DMKN: variants seen among roughly 807,000 people sequenced by gnomAD.
The protein encoded by DMKN is epidermis-specific secreted protein SK30/SK89.
DMKN carries 58 observed loss-of-function variants against 67.6 expected under a neutral mutation model. The ratio of observed to expected loss-of-function variants is 0.86; its 90% CI spans 0.69 to 1.07. The LOEUF is 1.07. Ranked by LOEUF, DMKN falls within the 50% of genes least tolerant of loss-of-function variation. The pLI is 0.00. For missense variants in DMKN, 596 were observed against 601.5 expected, an observed-to-expected ratio of 0.99 and a Z score of 0.10; for synonymous variants, 240 against 232.3, an observed-to-expected ratio of 1.03 and a Z score of -0.30.
intron 7 of DMKN, chr19:35,506,986 A>G (rs1286506192): frequency 5.8e-6 from 1 of 172,668 alleles, no homozygotes; most frequent in Non-Finnish European, 1.2e-5. Flanking sequence ...TTCTTTTTAA[A>G]AAGTAGAGAC....
Position 35,511,456 on chromosome 19 carries a change from G to T in DMKN, c.873C>A (p.Gly291=). The change falls in exon 5 of 16, where the codon GGC becomes GGA. Residue 291 remains glycine, a synonymous_variant. Coordinates refer to ENST00000339686, the MANE Select transcript of DMKN (RefSeq NM_033317.5). ...TGTCACCTCTGCTGCCACCACTGTT[G>T]CCACTGCTGCCACCACTGCTGCCGC... ...SSGGSSGGSS[G]NSGGSRGDSG... The T allele has an allele frequency of 6.4e-7, 1 of 1,554,774 alleles. No homozygotes were observed.
At chr19:35,510,025 A>C (rs1179990408) in intron 6 of DMKN, 64 bp from the exon 7 acceptor site, 1 of 1,605,592 alleles carries the variant, frequency 6.2e-7, no homozygotes, top group Non-Finnish European at 8.5e-7. Context: ...CAGCCCCAAA[A>C]TGGCAGCATT....
intron 9 of DMKN, 37 bp from the exon 10 acceptor site, chr19:35,502,923 C>T: frequency 6.3e-7 from 1 of 1,595,896 alleles, no homozygotes; most frequent in South Asian, 1.1e-5. Context: ...TAGCAGAGAG[C>T]CTGGGCCCAC....
chr19:35,507,933 G>T, intron 7 of DMKN: 1 of 475,066 alleles, frequency 2.1e-6, no homozygotes, highest in Non-Finnish European at 3.7e-6. Context: ...AGTAAAAAAA[G>T]GAGATGCTAG....
Position 35,500,159 on chromosome 19 carries a change from C to T in DMKN, c.1288-130G>A, listed in dbSNP as rs184326095. ...CCTGCCTGCTCCCCTCCTTGTGTCACGTGTTTTCTTTTATACAATCTCCTC... is the reference window on the plus strand; with the variant it reads ...CCTGCCTGCTCCCCTCCTTGTGTCATGTGTTTTCTTTTATACAATCTCCTC... On this transcript the variant is annotated intron_variant, in intron 12 of 15. Coordinates refer to ENST00000339686, the MANE Select transcript of DMKN (RefSeq NM_033317.5). 526 of 1,224,304 alleles carry T rather than the reference C, an allele frequency of 4.3e-4. 5 individuals are homozygous for T. The African/African-American group carries it at 6.8e-3, about 16-fold the overall frequency. 75.8% of individuals were successfully genotyped at this position (1,224,304 alleles called of 1,614,324 possible).
At chr19:35,505,901 C>T (rs370480795) in intron 8 of DMKN, 38 bp downstream of exon 8, 118 of 1,614,042 alleles carry the variant, frequency 7.3e-5, no homozygotes, top group Non-Finnish European at 9.4e-5. Flanking sequence ...GGTTGGTTTT[C>T]CAAATGCGAG....
chr19:35,499,772 C>G, intron 13 of DMKN, 186 bp downstream of exon 13: 1 of 609,094 alleles, frequency 1.6e-6, no homozygotes, highest in South Asian at 2.0e-5. Context: ...AACCCTCCTG[C>G]CCTCCACTTC....
At chr19:35,511,982 G>T (rs946660508) in intron 3 of DMKN, among the ~76,000 whole-genome samples, 169 bp from the exon 4 acceptor site, 1 of 146,514 alleles carries the variant, frequency 6.8e-6, no homozygotes, top group Non-Finnish European at 1.5e-5. Context: ...GCCCAGGCCC[G>T]TCTCTTCCTC....
chr19:35,506,519 C>G (rs1175664447), intron 7 of DMKN: 2 of 504,088 alleles, frequency 4.0e-6, no homozygotes, highest in Non-Finnish European at 3.9e-6. Flanking sequence ...CCTTATGCAG[C>G]ATCTGTCTCC....
intron 5 of DMKN, 124 bp downstream of exon 5, chr19:35,511,287 G>A (rs1010754728): frequency 6.6e-7 from 1 of 1,524,570 alleles, no homozygotes; most frequent in East Asian, 2.3e-5. Context: ...TCAGGGTGAC[G>A]ACTATCAGCG....
At chr19:35,503,273 GGA>G in intron 9 of DMKN, 1 of 1,487,706 alleles carries the variant, frequency 6.7e-7, no homozygotes, top group Non-Finnish European at 8.9e-7. Context: ...GGATAACAGC[GGA>G]GACGTAAGAA....
At chr19:35,507,285 C>T (rs2069745815) in intron 7 of DMKN, 1 of 555,194 alleles carries the variant, frequency 1.8e-6, no homozygotes, top group Non-Finnish European at 3.2e-6. Flanking sequence ...AATGAATGAA[C>T]CAAAGATGGA....
At chr19:35,503,205 C>T in intron 9 of DMKN, 1 of 1,429,254 alleles carries the variant, frequency 7.0e-7, no homozygotes, top group Non-Finnish European at 9.2e-7. Flanking sequence ...CCTGCCGGGC[C>T]TCCTCCAGCC....
chr19:35,505,716 AC>A lies in DMKN; in HGVS notation c.1134+1del. Reference sequence around the variant, plus strand: ...TCTCCGACGAAGATGTCCAGCCCTTACCTTGTTTATGGCATCCCAGTTGATG... The same window carrying A: ...TCTCCGACGAAGATGTCCAGCCCTTACTTGTTTATGGCATCCCAGTTGATG... On this transcript the variant is annotated splice_donor_variant, in intron 9 of 15. Coordinates refer to ENST00000339686, the MANE Select transcript of DMKN (RefSeq NM_033317.5). LOFTEE classifies it high-confidence loss of function. The A allele has an allele frequency of 6.2e-7, 1 of 1,614,092 alleles. No homozygotes were observed. The highest frequency in any genetic ancestry group is 8.5e-7 in the Non-Finnish European group (1 of 1,180,010).
At position 35,498,711 on chromosome 19, in the gene DMKN, C is replaced by T; in HGVS notation, c.*5G>A. 1.2e-6 allele frequency: 2 copies of T among 1,614,040 alleles called. No homozygotes were observed. Among genetic ancestry groups the T allele is most frequent in the Non-Finnish European group, 1.7e-6 (2 of 1,180,008 alleles). On this transcript the variant is annotated splice_donor_5th_base_variant and intron_variant, in intron 15 of 15. Transcript: ENST00000339686. ...TGGCCTGGGTCGGCTCACTCTGACA[C>T]TCACCTACCAAAACTTCACCCACTG...
chr19:35,508,472 A>C (rs773240430), intron 7 of DMKN: 2 of 459,994 alleles, frequency 4.3e-6, no homozygotes, highest in Admixed American at 4.0e-5. Context: ...AACATACTCT[A>C]AAGCTACCAT....
chr19:35,511,835 G>A (rs1162806275), intron 3 of DMKN, 22 bp from the exon 4 acceptor site: 60 of 1,608,206 alleles, frequency 3.7e-5, no homozygotes, highest in Non-Finnish European at 5.1e-5. Flanking sequence ...AAGGGATGGT[G>A]AGTTTGGGGA....
chr19:35,502,784 A>G, intron 10 of DMKN, 46 bp downstream of exon 10: 1 of 1,607,824 alleles, frequency 6.2e-7, no homozygotes, highest in Non-Finnish European at 8.5e-7. Context: ...GGGGAGAGTC[A>G]GGAGGGCCAG....
Position 35,513,043 on chromosome 19 carries a change from C to G in DMKN, c.426+7G>C. 7 of 1,612,630 alleles carry G rather than the reference C, an allele frequency of 4.3e-6. No individual in the cohort carries two copies. The highest frequency in any genetic ancestry group is 5.9e-6 in the Non-Finnish European group (7 of 1,179,542). ...CCATTTCCACATGCAGCCCCACAGC[C>G]ACTCACCCAAGCACCATTGTGGCCA... On this transcript the variant is annotated splice_region_variant and intron_variant, in intron 1 of 15. Transcript: ENST00000339686.
Sources: gnomAD v4.1 joint callset for allele counts (sites outside exome capture counted in the v4.1 genomes callset) on GRCh38, gnomAD v4.1.1 for gene constraint, MANE v1.5 for transcripts, NCBI Gene and HGNC (gene_info 2026-07-23, HGNC 2026-07-21) for gene names.